VPS45: variants seen among roughly 807,000 people sequenced by gnomAD.
The protein encoded by VPS45 is vacuolar protein sorting-associated protein 45.
VPS45 carries 35 observed loss-of-function variants against 75.9 expected under a neutral mutation model. The observed-to-expected ratio is 0.46, with a 90% CI of 0.35 to 0.61. The LOEUF is 0.61. VPS45 is among the 20% of genes least tolerant of loss of function. The probability of loss-of-function intolerance (pLI) is 0.00; values close to 1 mark genes in which losing one functional copy is unlikely to be tolerated. For synonymous variants in VPS45, 220 were observed against 238.2 expected (o/e 0.92, Z 0.70); for missense variants, 559 against 685.9 (o/e 0.81, Z 2.07).
At chr1:150,088,096 T>C (rs1553801101) in intron 10 of VPS45, among the ~76,000 whole-genome samples, 3 of 152,294 alleles carry the variant, frequency 2.0e-5, no homozygotes, top group East Asian at 3.9e-4. Flanking sequence ...ACCTCTCTTA[T>C]AGCTATTTTG....
chr1:150,113,492 C>G (rs1347202258), intron 14 of VPS45, among the ~76,000 whole-genome samples: 6 of 152,216 alleles, frequency 3.9e-5, no homozygotes, highest in African/African-American at 1.2e-4. Flanking sequence ...AGCAGCCTTT[C>G]TTATTCCTCA....
intron 14 of VPS45, among the ~76,000 whole-genome samples, chr1:150,129,453 A>C (rs1658697791): frequency 6.6e-6 from 1 of 152,186 alleles, no homozygotes; most frequent in South Asian, 2.1e-4. Flanking sequence ...TAGGAAAAAA[A>C]ATTTAATACA....
At chr1:150,115,713 A>G (rs1657894437) in intron 14 of VPS45, among the ~76,000 whole-genome samples, 2 of 152,228 alleles carry the variant, frequency 1.3e-5, no homozygotes, top group East Asian at 3.8e-4. Context: ...GTTGCTATAC[A>G]TAAGGGTTCC....
rs188901821 is a variant in VPS45, at chr1:150,097,489, C to A, written c.1493+3841C>A. On this transcript the variant is annotated intron_variant, in intron 13 of 14. Transcript: ENST00000644510. ...AATCCCAGCACTTTGGGAGGCCGAG[C>A]GGGCAGATTCTTTGAGGTCAGGAGT... Among the ~76,000 whole-genome samples the A allele has an allele frequency of 3.0e-4, 46 of 151,654 alleles. No individual in the cohort carries two copies. The East Asian group carries it at 5.8e-3, about 19-fold the overall frequency.
At chr1:150,084,156 C>T (rs1293978253) in intron 10 of VPS45, among the ~76,000 whole-genome samples, 3 of 151,984 alleles carry the variant, frequency 2.0e-5, no homozygotes, top group African/African-American at 4.8e-5. Context: ...AACAGTTTGA[C>T]CTGTAGAGAG....
intron 14 of VPS45, among the ~76,000 whole-genome samples, chr1:150,137,571 T>C (rs1367640624): frequency 6.6e-6 from 1 of 152,180 alleles, no homozygotes; most frequent in Non-Finnish European, 1.5e-5. Flanking sequence ...CTCCCCTTTC[T>C]TTCCCAAATC....
rs782695744 is a variant in VPS45, at chr1:150,093,516, C to T, written c.1372-11C>T. On this transcript the variant is annotated splice_polypyrimidine_tract_variant and intron_variant, in intron 12 of 14. Coordinates refer to ENST00000644510, the MANE Select transcript of VPS45 (RefSeq NM_007259.5). The stretch of plus-strand genomic sequence containing the variant: ...CAAAAATGACATAAGAACCATTTTC[C>T]CCTGTTTTAGGGAGTAGAAAATGTA... 22 of 1,603,744 alleles carry T rather than the reference C, an allele frequency of 1.4e-5. No individual in the cohort carries two copies. The highest frequency in any genetic ancestry group is 1.7e-6 in the Non-Finnish European group (2 of 1,176,366).
At chr1:150,114,926 T>TG (rs1657851116) in intron 14 of VPS45, among the ~76,000 whole-genome samples, 1 of 150,464 alleles carries the variant, frequency 6.6e-6, no homozygotes, top group Admixed American at 6.6e-5. Flanking sequence ...AAAACTTTAG[T>TG]ATTTTTTTCA....
At chr1:150,092,844 T>TC (rs1553802268) in intron 12 of VPS45, among the ~76,000 whole-genome samples, 1 of 135,976 alleles carries the variant, frequency 7.4e-6, no homozygotes, top group Admixed American at 7.3e-5. Flanking sequence ...TTTCTTTTTT[T>TC]TTTTTTTTTT....
chr1:150,103,048 A>G (rs1553804877), intron 13 of VPS45, among the ~76,000 whole-genome samples: 1 of 64,182 alleles, frequency 1.6e-5, no homozygotes, highest in Admixed American at 2.2e-4. Flanking sequence ...TGATTTCCAG[A>G]TATCCTATAT....
At chr1:150,129,310 ATTTG>A (rs1658687746) in intron 14 of VPS45, among the ~76,000 whole-genome samples, 1 of 152,238 alleles carries the variant, frequency 6.6e-6, no homozygotes. Flanking sequence ...CTTGATTCCA[ATTTG>A]TTTGTGCACT....
At chr1:150,143,936 G>C (rs1659540896) in intron 14 of VPS45, among the ~76,000 whole-genome samples, 1 of 152,054 alleles carries the variant, frequency 6.6e-6, no homozygotes, top group East Asian at 1.9e-4. Flanking sequence ...ATGCATATAT[G>C]CATATATACA....
intron 14 of VPS45, among the ~76,000 whole-genome samples, chr1:150,138,317 G>A (rs72694942): frequency 0.11 from 16,134 of 152,082 alleles, 1,199 homozygotes; most frequent in Non-Finnish European, 0.17. Flanking sequence ...CAGGCTGGTC[G>A]TTGTTATCAC....
rs782273593 is a variant in VPS45 at position 150,076,936 on chromosome 1, T to C, written c.390T>C (p.Ile130=). ...AEVQEFYGDY[I]AVNPHLFSLN... ...TGCAGGAATTTTATGGTGATTACAT[T>C]GCTGTGAACCCACATTTGTTTTCCC... is the stretch of plus-strand genomic sequence containing the variant. The change falls in exon 5 of 15, where the codon ATT becomes ATC. Residue 130 remains isoleucine (I), a synonymous_variant. Coordinates refer to ENST00000644510, the MANE Select transcript of VPS45 (RefSeq NM_007259.5). 28 of 1,614,038 alleles carry C rather than the reference T, an allele frequency of 1.7e-5. No homozygotes were observed. In the South Asian group the frequency reaches 2.2e-4, roughly 13 times the overall value.
At chr1:150,080,189 A>G (rs1467060158) in intron 7 of VPS45, among the ~76,000 whole-genome samples, 1 of 147,384 alleles carries the variant, frequency 6.8e-6, no homozygotes, top group Non-Finnish European at 1.5e-5. Flanking sequence ...CTTATTGTCC[A>G]GGCTGGAGTG....
chr1:150,080,589 T>A (rs368497414), intron 7 of VPS45, among the ~76,000 whole-genome samples: 1 of 152,248 alleles, frequency 6.6e-6, no homozygotes, highest in African/African-American at 2.4e-5. Context: ...AAAATATGTA[T>A]ATAAATATTT....
chr1:150,139,997 G>A (rs1378713396), intron 14 of VPS45, among the ~76,000 whole-genome samples: 1 of 152,050 alleles, frequency 6.6e-6, no homozygotes, highest in East Asian at 1.9e-4. Context: ...AGGTTCAAAC[G>A]ATTCTTGTGC....
intron 14 of VPS45, among the ~76,000 whole-genome samples, chr1:150,131,806 A>C (rs1160802960): frequency 2.6e-5 from 4 of 152,138 alleles, no homozygotes; most frequent in Non-Finnish European, 4.4e-5. Context: ...TGATCACGCC[A>C]CTGCACTCCA....
intron 13 of VPS45, 97 bp from the exon 14 acceptor site, chr1:150,110,399 C>CAA (rs782263413): frequency 0.016 from 12,122 of 779,610 alleles, 3 homozygotes; most frequent in South Asian, 0.025. Context: ...CTTCCTCCAC[C>CAA]AAAAAAAAAG....
Sources: allele counts gnomAD v4.1 joint callset (sites outside exome capture counted in the v4.1 genomes callset), GRCh38; gene constraint gnomAD v4.1.1; transcripts MANE v1.5; gene names NCBI Gene and HGNC (gene_info 2026-07-23, HGNC 2026-07-21).